AHNAK2: variants seen among roughly 807,000 people sequenced by gnomAD.
AHNAK2 encodes the protein protein AHNAK2.
Under a neutral mutation model 30.7 loss-of-function variants are expected in AHNAK2, and 18 were observed. The observed-to-expected ratio is 0.59, with a 90% CI of 0.41 to 0.87. AHNAK2 has a LOEUF of 0.87. Ranked by LOEUF, AHNAK2 falls within the 40% of genes least tolerant of loss-of-function variation. AHNAK2 has a pLI of 0.00. For missense variants in AHNAK2, 8,604 were observed against 7,373.0 expected (o/e 1.17, Z -6.11); for synonymous variants, 3,590 against 3,073.8 (o/e 1.17, Z -5.56).
At position 104,953,231 on chromosome 14, in the gene AHNAK2, A is replaced by G. The variant is rs78110724; in HGVS notation, c.2220T>C (p.Asp740=). The change falls in exon 7 of 7, where the codon GAT becomes GAC. Residue 740 remains aspartate (D), a synonymous_variant. Coordinates refer to ENST00000333244, the MANE Select transcript of AHNAK2 (RefSeq NM_138420.4). The part of the protein sequence containing the change: ...ADLEVQDGQV[D]VKLPEGPLPE... The stretch of plus-strand genomic sequence containing the variant: ...GCAGGGGGCCCTCCGGAAGTTTCAC[A>G]TCCACTTGGCCATCCTGGACCTCCA... 115,023 of 1,612,390 alleles carry G rather than the reference A, an allele frequency of 0.071. 8,899 individuals carry two copies. Among genetic ancestry groups the G allele is most frequent in the East Asian group, 0.3 (13,570 of 44,744 alleles).
rs1400559917 is a variant in AHNAK2 at position 104,942,675 on chromosome 14, A to G, written c.12776T>C (p.Val4259Ala). The G allele has an allele frequency of 1.2e-6, 2 of 1,612,900 alleles. No individual in the cohort carries two copies. Among genetic ancestry groups the G allele is most frequent in the African/African-American group, 1.3e-5 (1 of 74,690 alleles). The change falls in exon 7 of 7, where the codon GTG (valine) becomes GCG (alanine). Residue 4259 changes from valine (V) to alanine (A), a missense_variant. By Grantham distance (64) the Val-to-Ala change is moderately conservative (BLOSUM62 0). Coordinates refer to ENST00000333244, the MANE Select transcript of AHNAK2 (RefSeq NM_138420.4). ...KADVMTPVVE[V>A]SLPSMEVDVE... Reference sequence around the variant, plus strand: ...GTCCACCTCCATGCTGGGCAGAGACACCTCCACGACGGGGGTCATCACATC... The same window carrying G: ...GTCCACCTCCATGCTGGGCAGAGACGCCTCCACGACGGGGGTCATCACATC...
chr14:104,953,933 C>A lies in AHNAK2; in HGVS notation c.1518G>T (p.Arg506Ser), dbSNP rs770130228. The A allele has an allele frequency of 1.2e-6, 2 of 1,613,844 alleles. No individual in the cohort carries two copies. The highest frequency in any genetic ancestry group is 2.2e-5 in the East Asian group (1 of 44,896). The stretch of plus-strand genomic sequence containing the variant: ...TCCCTCGCTGTGGGGTACTAAGGCG[C>A]CTTTCTCTTTCTGGCTCTTTTTCTG... ...FSTEKEPERERRLSTPQRGKR... is the reference protein window; with the variant it reads ...FSTEKEPERESRLSTPQRGKR... The change falls in exon 7 of 7, where the codon AGG becomes AGT. Residue 506 changes from arginine to serine, a missense_variant. Coordinates refer to ENST00000333244, the MANE Select transcript of AHNAK2 (RefSeq NM_138420.4).
In AHNAK2 at chr14:104,943,843, T is replaced by C. The variant is rs776405212; in HGVS notation, c.11608A>G (p.Lys3870Glu). ...LTVQARQVDM[K>E]LLEGHVPEEA... ...TCGGGCACGTGGCCCTCCAGGAGTTTCATGTCCACCTGGCGAGCTTGGACC... is the reference window on the plus strand; with the variant it reads ...TCGGGCACGTGGCCCTCCAGGAGTTCCATGTCCACCTGGCGAGCTTGGACC... The change falls in exon 7 of 7, where the codon AAA (lysine) becomes GAA (glutamate). Residue 3870 changes from lysine to glutamate, a missense_variant. Coordinates refer to ENST00000333244, the MANE Select transcript of AHNAK2 (RefSeq NM_138420.4). 3.7e-6 allele frequency: 6 copies of C among 1,612,632 alleles called. No individual in the cohort carries two copies. The African/African-American group carries it at 6.7e-5, about 18-fold the overall frequency.
At position 104,939,913 on chromosome 14, in the gene AHNAK2, C is replaced by T. The variant is rs745894766; in HGVS notation, c.15538G>A (p.Ala5180Thr). Residue 5180 changes from alanine to threonine, a missense_variant, in exon 7 of 7, where the codon GCC becomes ACC. Physicochemically the swap from Ala to Thr is moderately conservative, Grantham distance 58. Transcript: ENST00000333244. ...CTTTCCTGCGAGTACTTGGTCATGG[C>T]TTCCTCCTCTGGGCTTTCCACTGTG... is the stretch of plus-strand genomic sequence containing the variant. ...VLTVESPEEEAMTKYSQESWF... is the reference protein window; with the variant it reads ...VLTVESPEEETMTKYSQESWF... 2.2e-5 allele frequency: 35 copies of T among 1,612,746 alleles called. No homozygotes were observed. The highest frequency in any genetic ancestry group is 4.2e-6 in the Non-Finnish European group (5 of 1,179,902).
intron 1 of AHNAK2, among the ~76,000 whole-genome samples, chr14:104,974,846 G>A (rs997976874): frequency 3.9e-5 from 6 of 152,208 alleles, no homozygotes; most frequent in African/African-American, 9.6e-5. Flanking sequence ...GGGTGGCAGG[G>A]ACCCCCAGAT....
chr14:104,939,507 A>C lies in AHNAK2; in HGVS notation c.15944T>G (p.Leu5315Arg). 6.2e-7 allele frequency: 1 copy of C among 1,613,666 alleles called. No homozygotes were observed. ...TCCTGGAAGAACCTGGGTTTCTGGAAGCCTCATGCCAGGCATCTGAAAAGG... is the reference window on the plus strand; with the variant it reads ...TCCTGGAAGAACCTGGGTTTCTGGACGCCTCATGCCAGGCATCTGAAAAGG... ...PLPFQMPGMRLPETQVLPGEI... is the reference protein window; with the variant it reads ...PLPFQMPGMRRPETQVLPGEI... The change falls in exon 7 of 7, where the codon CTT (leucine) becomes CGT (arginine). Residue 5315 changes from leucine (L) to arginine (R), a missense_variant. Transcript: ENST00000333244.
rs1898878792 is a variant in AHNAK2 at position 104,953,771 on chromosome 14, T to C, written c.1680A>G (p.Leu560=). 6.2e-7 allele frequency: 1 copy of C among 1,613,970 alleles called. No homozygotes were observed. Among genetic ancestry groups the C allele is most frequent in the Non-Finnish European group, 8.5e-7 (1 of 1,179,890 alleles). The part of the protein sequence containing the change: ...QGDEGDGEEG[L]QRTRITEEQD... ...GTTCCTCAGTGATCCTTGTCCTCTG[T>C]AGTCCTTCCTCTCCATCTCCTTCAT... Residue 560 remains leucine (L), a synonymous_variant, in exon 7 of 7, where the codon CTA becomes CTG. Coordinates refer to ENST00000333244, the MANE Select transcript of AHNAK2 (RefSeq NM_138420.4).
chr14:104,940,726 T>A lies in AHNAK2; in HGVS notation c.14725A>T (p.Thr4909Ser), dbSNP rs1897953146. 6.2e-7 allele frequency: 1 copy of A among 1,612,754 alleles called. No individual in the cohort carries two copies. Among genetic ancestry groups the A allele is most frequent in the East Asian group, 2.2e-5 (1 of 44,866 alleles). The stretch of plus-strand genomic sequence containing the variant: ...CAGGTGCCTGGGGATGGCAGCTGGG[T>A]GCTTGGCAAGGGGCACTGCACTCTT... ...GERVQCPLPS[T>S]QLPSPGTCVS... is the part of the protein sequence containing the mutation. Residue 4909 changes from threonine (T) to serine (S), a missense_variant, in exon 7 of 7, where the codon ACC (threonine) becomes TCC (serine). Transcript: ENST00000333244. This position sits in a 1 kb window ranked among gnomAD's most constrained non-coding sequence, Gnocchi z 4.4.
rs375463111 is a variant in AHNAK2 at position 104,941,404 on chromosome 14, C to T, written c.14047G>A (p.Asp4683Asn). Reference sequence around the variant, plus strand: ...CCAACAGCAAGCCCCAAGTTACCATCGCGAGATGGATCATGAAGATCACCT... The same window carrying T: ...CCAACAGCAAGCCCCAAGTTACCATTGCGAGATGGATCATGAAGATCACCT... ...HEGDLHDPSRDGNLGLAVGEV... is the reference protein window; with the variant it reads ...HEGDLHDPSRNGNLGLAVGEV... Residue 4683 changes from aspartate to asparagine, a missense_variant, in exon 7 of 7, where the codon GAT becomes AAT. Physicochemically the swap from Asp to Asn is conservative, Grantham distance 23. Coordinates refer to ENST00000333244, the MANE Select transcript of AHNAK2 (RefSeq NM_138420.4). 59 of 1,613,134 alleles carry T rather than the reference C, an allele frequency of 3.7e-5. No homozygotes were observed. Among genetic ancestry groups the T allele is most frequent in the Admixed American group, 6.7e-5 (4 of 60,000 alleles).
At position 104,944,815 on chromosome 14, in the gene AHNAK2, C is replaced by T. The variant is rs371816878; in HGVS notation, c.10636G>A (p.Val3546Met). 2.2e-5 allele frequency: 35 copies of T among 1,612,616 alleles called. 1 individual carries two copies. The highest frequency in any genetic ancestry group is 1.2e-4 in the South Asian group (11 of 91,052). The change falls in exon 7 of 7, where the codon GTG becomes ATG. Residue 3546 changes from valine (V) to methionine (M), a missense_variant. Transcript: ENST00000333244. ...CCTTTGAGGCCGGCTCCCTCGGGCACGGGGCCCTCCAGGAGTTCCACATCC... is the reference window on the plus strand; with the variant it reads ...CCTTTGAGGCCGGCTCCCTCGGGCATGGGGCCCTCCAGGAGTTCCACATCC... ...QVDVELLEGP[V>M]PEGAGLKGHL...
chr14:104,964,223 G>A (rs540393299), intron 1 of AHNAK2, among the ~76,000 whole-genome samples: 14 of 152,304 alleles, frequency 9.2e-5, no homozygotes, highest in Admixed American at 6.5e-4. Flanking sequence ...TCAACCAGCC[G>A]ATTAGTATAT....
In AHNAK2 at chr14:104,943,437, G is replaced by T; in HGVS notation, c.12014C>A (p.Pro4005His). 1 of 1,613,370 alleles carries T rather than the reference G, an allele frequency of 6.2e-7. No individual in the cohort carries two copies. The highest frequency in any genetic ancestry group is 8.5e-7 in the Non-Finnish European group (1 of 1,179,662). ...APKVEADVSL[P>H]SMQGDLKATD... The stretch of plus-strand genomic sequence containing the variant: ...GGCCTTGAGGTCCCCCTGCATGGAA[G>T]GGAGGCTCACGTCGGCCTCCACCTT... Residue 4005 changes from proline to histidine, a missense_variant, in exon 7 of 7, where the codon CCT (proline) becomes CAT (histidine). Coordinates refer to ENST00000333244, the MANE Select transcript of AHNAK2 (RefSeq NM_138420.4).
rs760767366 is a variant in AHNAK2, at chr14:104,939,666, C to A, written c.15785G>T (p.Ser5262Ile). Residue 5262 changes from serine (S) to isoleucine (I), a missense_variant, in exon 7 of 7, where the codon AGC becomes ATC. By Grantham distance (142) the Ser-to-Ile change is moderately radical (BLOSUM62 -2). Coordinates refer to ENST00000333244, the MANE Select transcript of AHNAK2 (RefSeq NM_138420.4). ...CCTTAGAATATCTGTGGATGATTTGCTCTCAGAAGCTGTCACTTCTGCATC... is the reference window on the plus strand; with the variant it reads ...CCTTAGAATATCTGTGGATGATTTGATCTCAGAAGCTGTCACTTCTGCATC... ...EADAEVTASESKSSTDILRCD... is the reference protein window; with the variant it reads ...EADAEVTASEIKSSTDILRCD... 1 of 1,613,778 alleles carries A rather than the reference C, an allele frequency of 6.2e-7. No homozygotes were observed. The highest frequency in any genetic ancestry group is 8.5e-7 in the Non-Finnish European group (1 of 1,179,896).
rs1225813591 is a variant in AHNAK2 at position 104,955,585 on chromosome 14, C to T, written c.364G>A (p.Gly122Arg). 3 of 1,613,628 alleles carry T rather than the reference C, an allele frequency of 1.9e-6. No individual in the cohort carries two copies. The highest frequency in any genetic ancestry group is 2.5e-6 in the Non-Finnish European group (3 of 1,179,846). Residue 122 changes from glycine to arginine, a missense_variant, in exon 5 of 7, where the codon GGA (glycine) becomes AGA (arginine). Transcript: ENST00000333244. ...EVTLKTEVEA[G>R]ASGYSVTGGG... ...CCTGTGACACTGTAGCCACTGGCTC[C>T]TGCCTCCACCTCTGTCTTCAGCGTC...
In AHNAK2 at chr14:104,948,558, G is replaced by C. The variant is rs780710267; in HGVS notation, c.6893C>G (p.Ala2298Gly). 13 of 1,612,346 alleles carry C rather than the reference G, an allele frequency of 8.1e-6. No homozygotes were observed. Among genetic ancestry groups the C allele is most frequent in the African/African-American group, 4.1e-5 (3 of 73,984 alleles). The change falls in exon 7 of 7, where the codon GCG becomes GGG. Residue 2298 changes from alanine (A) to glycine (G), a missense_variant. Transcript: ENST00000333244. ...VKAPGAKLDG[A>G]RLEGDMSLAD... ...CAGGGACATGTCCCCCTCCAGCCGC[G>C]CACCATCCAGCTTGGCTCCTGGGGC...
At chr14:104,971,161 T>G (rs1309201905) in intron 1 of AHNAK2, among the ~76,000 whole-genome samples, 4 of 152,124 alleles carry the variant, frequency 2.6e-5, no homozygotes, top group African/African-American at 9.7e-5. Flanking sequence ...CTCACCCAGG[T>G]TGGAGTGCAG....
At chr14:104,968,322 A>G (rs573072455) in intron 1 of AHNAK2, among the ~76,000 whole-genome samples, 80 of 145,698 alleles carry the variant, frequency 5.5e-4, no homozygotes, top group African/African-American at 2.1e-3. Flanking sequence ...CTCCCCGAGA[A>G]CTGGACTATC....
chr14:104,946,517 G>T lies in AHNAK2; in HGVS notation c.8934C>A (p.Phe2978Leu). 1.9e-6 allele frequency: 3 copies of T among 1,612,076 alleles called. 1 individual carries two copies. The African/African-American group carries it at 4.0e-5, about 22-fold the overall frequency. ...DKDVTAKDSKFKMPKFKMPSF... is the reference protein window; with the variant it reads ...DKDVTAKDSKLKMPKFKMPSF... Reference sequence around the variant, plus strand: ...ACGGCATCTTGAACTTGGGCATTTTGAACTTGCTGTCTTTGGCAGTCACAT... The same window carrying T: ...ACGGCATCTTGAACTTGGGCATTTTTAACTTGCTGTCTTTGGCAGTCACAT... Residue 2978 changes from phenylalanine (F) to leucine (L), a missense_variant, in exon 7 of 7, where the codon TTC (phenylalanine) becomes TTA (leucine). Physicochemically the swap from Phe to Leu is conservative, Grantham distance 22 (BLOSUM62 0). Coordinates refer to ENST00000333244, the MANE Select transcript of AHNAK2 (RefSeq NM_138420.4).
At position 104,966,390 on chromosome 14, in the gene AHNAK2, C is replaced by T. The variant is rs1223684771; in HGVS notation, c.56-8718G>A. Among the ~76,000 whole-genome samples the T allele has an allele frequency of 6.6e-6, 1 of 152,160 alleles. No homozygotes were observed. Among genetic ancestry groups the T allele is most frequent in the Non-Finnish European group, 1.5e-5 (1 of 68,022 alleles). On this transcript the variant is annotated intron_variant, in intron 1 of 6. Coordinates refer to ENST00000333244, the MANE Select transcript of AHNAK2 (RefSeq NM_138420.4). This position sits in a 1 kb window ranked among gnomAD's most constrained non-coding sequence, Gnocchi z 4.3. Reference sequence around the variant, plus strand: ...CAACCCCACAACACGATCTCCTCCACAGGCCCCTTCTCCCTAACCAGGCAG... The same window carrying T: ...CAACCCCACAACACGATCTCCTCCATAGGCCCCTTCTCCCTAACCAGGCAG...
Sources: allele counts gnomAD v4.1 joint callset (sites outside exome capture counted in the v4.1 genomes callset), GRCh38; gene constraint gnomAD v4.1.1; non-coding constraint Gnocchi (gnomAD v3.1); transcripts MANE v1.5; gene names NCBI Gene and HGNC (gene_info 2026-07-23, HGNC 2026-07-21).